CFAP299: variants seen among roughly 807,000 people sequenced by gnomAD.
CFAP299 encodes the protein cilia and flagella associated protein 299, also known as cilia- and flagella-associated protein 299.
Under a neutral mutation model 27.0 loss-of-function variants are expected in CFAP299, and 21 were observed. The ratio of observed to expected loss-of-function variants is 0.78; its 90% CI spans 0.55 to 1.12. The LOEUF (loss-of-function observed/expected upper bound fraction) is 1.12, where lower values mean the gene tolerates loss of function less well. Among genes scored for constraint, CFAP299 ranks in the 50% most tolerant of loss-of-function variants. The pLI, the probability that CFAP299 is intolerant of heterozygous loss-of-function variation, is 0.00. For synonymous variants in CFAP299, 104 were observed against 98.1 expected (o/e 1.06, Z -0.36); for missense variants, 310 against 276.6 (o/e 1.12, Z -0.86).
chr4:80,623,230 G>T (rs1247733962), intron 3 of CFAP299, among the ~76,000 whole-genome samples: 4 of 151,882 alleles, frequency 2.6e-5, no homozygotes, highest in Admixed American at 2.6e-4. Context: ...TGCAAATCAA[G>T]ATTCTAAAGT....
At chr4:80,789,280 A>G (rs1310337909) in intron 3 of CFAP299, among the ~76,000 whole-genome samples, 1 of 152,048 alleles carries the variant, frequency 6.6e-6, no homozygotes, top group Non-Finnish European at 1.5e-5. Context: ...AAATCTGGGC[A>G]TGCCTTTGTA....
chr4:80,539,114 G>A (rs1733880645), intron 2 of CFAP299, among the ~76,000 whole-genome samples: 1 of 152,074 alleles, frequency 6.6e-6, no homozygotes, highest in African/African-American at 2.4e-5. Flanking sequence ...CATTTACCTA[G>A]TAGATATATT....
intron 2 of CFAP299, among the ~76,000 whole-genome samples, chr4:80,508,092 A>G (rs1253444439): frequency 6.6e-6 from 1 of 152,206 alleles, no homozygotes; most frequent in East Asian, 1.9e-4. Context: ...ACCTATATTT[A>G]GATTTTACTG....
chr4:80,671,844 T>G (rs571580493), intron 3 of CFAP299, among the ~76,000 whole-genome samples: 28 of 152,200 alleles, frequency 1.8e-4, no homozygotes, highest in Non-Finnish European at 3.8e-4. Context: ...CACATTGATT[T>G]TGTATCCTGA....
At chr4:80,924,345 A>G (rs1286727796) in intron 4 of CFAP299, among the ~76,000 whole-genome samples, 1 of 151,800 alleles carries the variant, frequency 6.6e-6, no homozygotes, top group Non-Finnish European at 1.5e-5. Flanking sequence ...CTGTTTTAAA[A>G]TCACTGTTCT....
At chr4:80,379,331 T>C (rs144861359) in intron 2 of CFAP299, among the ~76,000 whole-genome samples, 1 of 152,036 alleles carries the variant, frequency 6.6e-6, no homozygotes, top group Non-Finnish European at 1.5e-5. Context: ...GTTTTAATGA[T>C]CTTTTTGAAG....
At chr4:80,585,925 A>G (rs1226048733) in intron 3 of CFAP299, among the ~76,000 whole-genome samples, 1 of 152,200 alleles carries the variant, frequency 6.6e-6, no homozygotes, top group Non-Finnish European at 1.5e-5. Flanking sequence ...TTTTTATGTA[A>G]GAAATAGTGA....
chr4:80,396,224 A>G (rs1373337187), intron 2 of CFAP299, among the ~76,000 whole-genome samples: 1 of 152,140 alleles, frequency 6.6e-6, no homozygotes, highest in Non-Finnish European at 1.5e-5. Flanking sequence ...AACCCACTAC[A>G]ATGGTCCTTT....
At chr4:80,644,256 A>G (rs998178370) in intron 3 of CFAP299, among the ~76,000 whole-genome samples, 1 of 152,206 alleles carries the variant, frequency 6.6e-6, no homozygotes, top group Non-Finnish European at 1.5e-5. Flanking sequence ...GAAAAACAAT[A>G]TAAAAGGATA....
chr4:80,532,105 C>G (rs536941511), intron 2 of CFAP299, among the ~76,000 whole-genome samples: 6 of 152,038 alleles, frequency 3.9e-5, no homozygotes, highest in African/African-American at 1.4e-4. Context: ...TTAAGAGTCA[C>G]GGATGACATG....
intron 2 of CFAP299, among the ~76,000 whole-genome samples, chr4:80,383,670 G>T (rs1326319382): frequency 1.3e-5 from 2 of 152,052 alleles, no homozygotes; most frequent in Admixed American, 6.5e-5. Context: ...CCTCCTTGCT[G>T]TTTAAGAAAA....
intron 2 of CFAP299, among the ~76,000 whole-genome samples, chr4:80,406,521 C>T (rs1282541930): frequency 1.3e-5 from 2 of 152,112 alleles, no homozygotes; most frequent in Non-Finnish European, 1.5e-5. Flanking sequence ...CATGCCACCA[C>T]ACCCAGCTCA....
chr4:80,552,146 GA>G (rs2110210768), intron 2 of CFAP299, among the ~76,000 whole-genome samples: 1 of 152,326 alleles, frequency 6.6e-6, no homozygotes, highest in Non-Finnish European at 1.5e-5. Flanking sequence ...TCAAAGAATA[GA>G]AGGTAGTTTG....
chr4:80,630,156 A>G (rs1019613071), intron 3 of CFAP299, among the ~76,000 whole-genome samples: 4 of 152,202 alleles, frequency 2.6e-5, no homozygotes, highest in Non-Finnish European at 2.9e-5. Flanking sequence ...AGGCTCCAAC[A>G]TACTTTGAAC....
At chr4:80,833,873 C>T (rs1730425442) in intron 3 of CFAP299, among the ~76,000 whole-genome samples, 2 of 152,258 alleles carry the variant, frequency 1.3e-5, no homozygotes, top group South Asian at 4.1e-4. Flanking sequence ...TCAACCTTCT[C>T]AGTTAAATCC....
At chr4:80,912,451 C>A (rs972642044) in intron 4 of CFAP299, among the ~76,000 whole-genome samples, 2 of 152,086 alleles carry the variant, frequency 1.3e-5, no homozygotes, top group Non-Finnish European at 2.9e-5. Flanking sequence ...AGTCATCCGT[C>A]GAAAGAGCCA....
chr4:80,646,475 A>T (rs1740015628), intron 3 of CFAP299, among the ~76,000 whole-genome samples: 1 of 152,190 alleles, frequency 6.6e-6, no homozygotes, highest in Non-Finnish European at 1.5e-5. Flanking sequence ...TACTACAATT[A>T]ATTCTAATAG....
intron 3 of CFAP299, among the ~76,000 whole-genome samples, chr4:80,688,225 C>T (rs955760255): frequency 6.6e-6 from 1 of 152,238 alleles, no homozygotes; most frequent in Admixed American, 6.5e-5. Context: ...GTAGGCTCCA[C>T]CTCTGGGGGC....
chr4:80,856,308 T>C (rs1731881660), intron 3 of CFAP299, among the ~76,000 whole-genome samples: 1 of 146,228 alleles, frequency 6.8e-6, no homozygotes, highest in African/African-American at 2.6e-5. Context: ...TATTAGCCCT[T>C]TGTCAGATGA....
Sources: allele counts gnomAD v4.1 joint callset (sites outside exome capture counted in the v4.1 genomes callset), GRCh38; gene constraint gnomAD v4.1.1; transcripts MANE v1.5; gene names NCBI Gene and HGNC (gene_info 2026-07-23, HGNC 2026-07-21).